IPPK: variants seen among roughly 807,000 people sequenced by gnomAD.
IPPK encodes the protein IPK1 homolog.
IPPK carries 22 observed loss-of-function variants against 64.6 expected under a neutral mutation model. The observed-to-expected ratio is 0.34, with a 90% CI of 0.24 to 0.49. The LOEUF is 0.49. Ranked by LOEUF, IPPK falls within the 20% of genes least tolerant of loss-of-function variation. IPPK has a pLI of 0.99. For missense variants in IPPK, 532 were observed against 630.7 expected (o/e 0.84, Z 1.68); for synonymous variants, 262 against 247.2 (o/e 1.06, Z -0.56).
At chr9:92,627,377 C>T (rs1271110749) in intron 11 of IPPK, among the ~76,000 whole-genome samples, 3 of 152,220 alleles carry the variant, frequency 2.0e-5, no homozygotes, top group African/African-American at 4.8e-5. Context: ...TGTTACACCC[C>T]GATCCCAAAA....
rs1851406651 is a variant in IPPK at position 92,615,632 on chromosome 9, A to T, written c.*200T>A. On this transcript the variant is annotated 3_prime_UTR_variant, in exon 13 of 13. Coordinates refer to ENST00000287996, the MANE Select transcript of IPPK (RefSeq NM_022755.6). Reference sequence around the variant, plus strand: ...GAGTGTGAGCAGCTTCCTGGGACACAGCACTCACTTCCTACATTCCTTGTC... The same window carrying T: ...GAGTGTGAGCAGCTTCCTGGGACACTGCACTCACTTCCTACATTCCTTGTC... 8 of 561,006 alleles carry T rather than the reference A, an allele frequency of 1.4e-5. No homozygotes were observed. The highest frequency in any genetic ancestry group is 2.6e-5 in the Non-Finnish European group (8 of 313,132). 34.8% of individuals were successfully genotyped at this position (561,006 alleles called of 1,614,324 possible).
intron 1 of IPPK, among the ~76,000 whole-genome samples, chr9:92,664,769 T>C (rs1033872007): frequency 1.5e-4 from 23 of 152,230 alleles, no homozygotes; most frequent in Non-Finnish European, 7.3e-5. Context: ...AGGCACAGCC[T>C]TGCTCTCTGC....
At chr9:92,660,470 C>T (rs1032846115) in intron 1 of IPPK, among the ~76,000 whole-genome samples, 6 of 152,218 alleles carry the variant, frequency 3.9e-5, no homozygotes, top group Admixed American at 6.5e-5. Flanking sequence ...CAGAGCTCTG[C>T]GGCATCTACA....
intron 8 of IPPK, among the ~76,000 whole-genome samples, chr9:92,639,487 T>C (rs1337365139): frequency 1.3e-5 from 2 of 152,206 alleles, no homozygotes; most frequent in African/African-American, 4.8e-5. Context: ...TTAAAATCAT[T>C]CTGCATCCCT....
At chr9:92,655,450 T>C (rs1177697244) in intron 3 of IPPK, among the ~76,000 whole-genome samples, 1 of 152,028 alleles carries the variant, frequency 6.6e-6, no homozygotes, top group African/African-American at 2.4e-5. Context: ...TTGAGCCCTG[T>C]TTGCTGTGGG....
chr9:92,649,414 T>C lies in IPPK; in HGVS notation c.414+39A>G, dbSNP rs765597775. The C allele has an allele frequency of 8.1e-6, 13 of 1,612,652 alleles. No homozygotes were observed. In the South Asian group the frequency reaches 1.4e-4, roughly 18 times the overall value. On this transcript the variant is annotated intron_variant, in intron 5 of 12. Coordinates refer to ENST00000287996, the MANE Select transcript of IPPK (RefSeq NM_022755.6). ...TGGACTTACTACCCAAGACTGACCTTTCCCCTTTACCCACACCATCTGCCC... is the reference window on the plus strand; with the variant it reads ...TGGACTTACTACCCAAGACTGACCTCTCCCCTTTACCCACACCATCTGCCC...
intron 11 of IPPK, among the ~76,000 whole-genome samples, chr9:92,630,386 G>A (rs969305350): frequency 1.3e-5 from 2 of 152,198 alleles, no homozygotes; most frequent in African/African-American, 4.8e-5. Flanking sequence ...GGGTCATGGG[G>A]AGACAATGGG....
At chr9:92,640,059 T>G (rs72756416) in intron 8 of IPPK, among the ~76,000 whole-genome samples, 6,039 of 152,316 alleles carry the variant, frequency 0.04, 184 homozygotes, top group South Asian at 0.11. Flanking sequence ...TCCTCTGAAG[T>G]ATCCACCTGC....
rs1167304315 is a variant in IPPK at position 92,635,976 on chromosome 9, GT to G, written c.917-669del. Among the ~76,000 whole-genome samples, 3 of 152,128 alleles carry G rather than the reference GT, an allele frequency of 2.0e-5. No individual in the cohort carries two copies. The highest frequency in any genetic ancestry group is 4.4e-5 in the Non-Finnish European group (3 of 68,020). On this transcript the variant is annotated intron_variant, in intron 9 of 12. Transcript: ENST00000287996. This position sits in a 1 kb window ranked among gnomAD's most constrained non-coding sequence, Gnocchi z 4.4. ...CAGCCACACAGAGCCACAGACAGGGGTCAAAGCCACTGACAAGGACCTGTTA... is the reference window on the plus strand; with the variant it reads ...CAGCCACACAGAGCCACAGACAGGGGCAAAGCCACTGACAAGGACCTGTTA...
chr9:92,624,236 T>C (rs1851695215), intron 11 of IPPK, among the ~76,000 whole-genome samples: 1 of 152,052 alleles, frequency 6.6e-6, no homozygotes, highest in Non-Finnish European at 1.5e-5. Context: ...ATCCAGCACT[T>C]TGGGAGGCTC....
intron 11 of IPPK, among the ~76,000 whole-genome samples, chr9:92,622,051 C>G (rs564164560): frequency 6.6e-6 from 1 of 152,094 alleles, no homozygotes; most frequent in Non-Finnish European, 1.5e-5. Context: ...TAATTAACCA[C>G]GTTAACAGAA....
intron 11 of IPPK, among the ~76,000 whole-genome samples, chr9:92,626,801 A>G (rs1851741278): frequency 6.6e-6 from 1 of 152,202 alleles, no homozygotes; most frequent in Non-Finnish European, 1.5e-5. Context: ...GAGGTAGAGA[A>G]GACCTTAAAA....
rs1197683966 is a variant in IPPK, at chr9:92,670,012, C to G, written c.-24G>C. 2 of 1,583,270 alleles carry G rather than the reference C, an allele frequency of 1.3e-6. No homozygotes were observed. The highest frequency in any genetic ancestry group is 1.7e-6 in the Non-Finnish European group (2 of 1,159,408). ...ATGCCCAGGCGCAGCCCTGGCGCCT[C>G]GCGGGCTAGGACTCGGGGACGCGAG... On this transcript the variant is annotated 5_prime_UTR_variant, in exon 1 of 13. Coordinates refer to ENST00000287996, the MANE Select transcript of IPPK (RefSeq NM_022755.6).
chr9:92,638,031 T>C lies in IPPK; in HGVS notation c.886A>G (p.Ser296Gly). Residue 296 changes from serine (S) to glycine (G), a missense_variant, in exon 9 of 13, where the codon AGC becomes GGC. By Grantham distance (56) the Ser-to-Gly change is moderately conservative. Coordinates refer to ENST00000287996, the MANE Select transcript of IPPK (RefSeq NM_022755.6). ...GPQGPRVCEA[S>G]PFSRSLRCQG... ...CAGCGAAGGCTCCTACTGAAAGGGC[T>C]GGCTTCGCAGACTCGCGGGCCCTGA... The C allele has an allele frequency of 6.3e-7, 1 of 1,596,088 alleles. No homozygotes were observed. Among genetic ancestry groups the C allele is most frequent in the Non-Finnish European group, 8.5e-7 (1 of 1,171,024 alleles).
intron 6 of IPPK, among the ~76,000 whole-genome samples, chr9:92,646,702 A>T (rs1472443514): frequency 6.6e-6 from 1 of 152,190 alleles, no homozygotes; most frequent in Non-Finnish European, 1.5e-5. Context: ...TCACACCTGT[A>T]ATCCCAGCAC....
chr9:92,666,397 G>T (rs143887933), intron 1 of IPPK, among the ~76,000 whole-genome samples: 3 of 152,178 alleles, frequency 2.0e-5, no homozygotes, highest in African/African-American at 7.2e-5. Context: ...GAAATCCTGC[G>T]GCAGTGCATA....
chr9:92,642,185 C>T (rs778146838), intron 7 of IPPK, among the ~76,000 whole-genome samples: 1 of 152,256 alleles, frequency 6.6e-6, no homozygotes, highest in Non-Finnish European at 1.5e-5. Flanking sequence ...CCAGCCACTA[C>T]CGCCTTCCTG....
At chr9:92,663,502 C>T (rs1257997190) in intron 1 of IPPK, among the ~76,000 whole-genome samples, 5 of 152,224 alleles carry the variant, frequency 3.3e-5, no homozygotes, top group African/African-American at 1.2e-4. Context: ...AAAGTGTTAA[C>T]AAAACTTGTT....
At chr9:92,646,878 G>T (rs1021973496) in intron 6 of IPPK, among the ~76,000 whole-genome samples, 1 of 151,888 alleles carries the variant, frequency 6.6e-6, no homozygotes, top group Non-Finnish European at 1.5e-5. Context: ...TGCAGAACGA[G>T]ACTCCGTCTC....
Sources: gnomAD v4.1 joint callset for allele counts (sites outside exome capture counted in the v4.1 genomes callset) on GRCh38, gnomAD v4.1.1 for gene constraint, Gnocchi (gnomAD v3.1) non-coding constraint, MANE v1.5 for transcripts, NCBI Gene and HGNC (gene_info 2026-07-23, HGNC 2026-07-21) for gene names.